Variants in KCNIP3 observed in about 807,000 individuals in gnomAD.
KCNIP3 encodes the protein potassium voltage-gated channel interacting protein 3.
Under a neutral mutation model 35.0 loss-of-function variants are expected in KCNIP3, and 28 were observed. The ratio of observed to expected loss-of-function variants is 0.80; its 90% confidence interval spans 0.59 to 1.10. The LOEUF (loss-of-function observed/expected upper bound fraction) is 1.10. Ranked by LOEUF, KCNIP3 falls within the 50% of genes least tolerant of loss-of-function variation. The probability of loss-of-function intolerance (pLI) is 0.00; values close to 1 mark genes in which losing one functional copy is unlikely to be tolerated. For synonymous variants in KCNIP3, 134 were observed against 133.8 expected (o/e 1.00, Z -0.01); for missense variants, 295 against 338.4 (o/e 0.87, Z 1.01).
At chr2:95,307,862 G>A (rs569530630) in intron 1 of KCNIP3, among the ~76,000 whole-genome samples, 1 of 152,212 alleles carries the variant, frequency 6.6e-6, no homozygotes, top group African/African-American at 2.4e-5. Flanking sequence ...CTGCAGCAAA[G>A]AATTTGTGAT....
Position 95,382,318 on chromosome 2 carries a change from T to A in KCNIP3, c.556-59T>A, listed in dbSNP as rs867651406. On this transcript the variant is annotated intron_variant, in intron 6 of 8. Coordinates refer to ENST00000295225, the MANE Select transcript of KCNIP3 (RefSeq NM_013434.5). The surrounding 1 kb of genome is among the most constrained non-coding windows in gnomAD (Gnocchi z 4.5). ...GCACCCTTGGATGCCGCCCGCTCCCTTTGGGCCCTCACAGCCACCCCGGCC... is the reference window on the plus strand; with the variant it reads ...GCACCCTTGGATGCCGCCCGCTCCCATTGGGCCCTCACAGCCACCCCGGCC... The A allele has an allele frequency of 8.3e-7, 1 of 1,208,972 alleles. No homozygotes were observed. 74.9% of individuals were successfully genotyped at this position (1,208,972 alleles called of 1,614,324 possible).
At chr2:95,300,327 T>C (rs1339309057) in intron 1 of KCNIP3, among the ~76,000 whole-genome samples, 1 of 152,226 alleles carries the variant, frequency 6.6e-6, no homozygotes, top group Admixed American at 6.5e-5. Context: ...AAATTCAGGC[T>C]GCCTTGTCTT....
intron 2 of KCNIP3, among the ~76,000 whole-genome samples, chr2:95,320,719 C>T (rs2104225625): frequency 6.6e-6 from 1 of 152,270 alleles, no homozygotes; most frequent in East Asian, 1.9e-4. Context: ...GTACGTCAGA[C>T]CCAACTGGCC....
At chr2:95,356,336 G>C (rs1358370830) in intron 2 of KCNIP3, among the ~76,000 whole-genome samples, 1 of 152,168 alleles carries the variant, frequency 6.6e-6, no homozygotes. Flanking sequence ...TTGTCGTGCA[G>C]AAGCTCTTTA....
intron 2 of KCNIP3, among the ~76,000 whole-genome samples, chr2:95,346,488 G>T (rs1044337833): frequency 3.3e-5 from 5 of 149,632 alleles, no homozygotes; most frequent in African/African-American, 4.9e-5. Flanking sequence ...GGGCAGGCGC[G>T]GGGGGGCCGC....
chr2:95,302,703 G>A (rs1678068544), intron 1 of KCNIP3, among the ~76,000 whole-genome samples: 1 of 152,178 alleles, frequency 6.6e-6, no homozygotes, highest in African/African-American at 2.4e-5. Context: ...TTCTCTGTCA[G>A]GGTCACCGAG....
chr2:95,310,745 C>A, intron 2 of KCNIP3: 1 of 568,518 alleles, frequency 1.8e-6, no homozygotes. Context: ...AGCATGGGTA[C>A]AGAGAGCTGG....
chr2:95,332,558 G>T (rs1222491754), intron 2 of KCNIP3, among the ~76,000 whole-genome samples: 1 of 152,234 alleles, frequency 6.6e-6, no homozygotes, highest in Non-Finnish European at 1.5e-5. Context: ...GAGAGGAGGA[G>T]GTGTTCCTTA....
intron 2 of KCNIP3, among the ~76,000 whole-genome samples, chr2:95,354,496 T>C (rs1293176775): frequency 1.3e-5 from 2 of 152,092 alleles, no homozygotes; most frequent in African/African-American, 4.8e-5. Flanking sequence ...GACTGGGTTG[T>C]GGGTCTGGGG....
At chr2:95,373,414 GTTTTTTTTTTTTTTTTT>G in intron 2 of KCNIP3, among the ~76,000 whole-genome samples, 1 of 60,024 alleles carries the variant, frequency 1.7e-5, no homozygotes. Context: ...CAAGTTTGTG[GTTTTTTTTTTTTTTTTT>G]TTTTTTTTTG....
Position 95,377,841 on chromosome 2 carries a change from C to CT in KCNIP3, c.447+2634dup, listed in dbSNP as rs1330804787. Among the ~76,000 whole-genome samples the CT allele has an allele frequency of 6.6e-6, 1 of 152,244 alleles. No individual in the cohort carries two copies. Among genetic ancestry groups the CT allele is most frequent in the Non-Finnish European group, 1.5e-5 (1 of 68,044 alleles). ...ACTGCATAGGGACATTCCTCAGCTG[C>CT]TAGCAGCAGGCTCTGTGGCTGAACA... On this transcript the variant is annotated intron_variant, in intron 5 of 8. Transcript: ENST00000295225. The surrounding 1 kb of genome is among the most constrained non-coding windows in gnomAD (Gnocchi z 4.7).
intron 2 of KCNIP3, among the ~76,000 whole-genome samples, chr2:95,348,447 C>T (rs1287292285): frequency 1.3e-5 from 2 of 152,148 alleles, no homozygotes; most frequent in Non-Finnish European, 2.9e-5. Flanking sequence ...CATCTGGAGC[C>T]TGGGGTGGGC....
intron 2 of KCNIP3, chr2:95,312,878 T>C (rs955060828): frequency 1.3e-5 from 2 of 152,216 alleles, no homozygotes; most frequent in African/African-American, 2.4e-5. Flanking sequence ...CCCTTGGCCA[T>C]AGCTCCCGGG....
rs375300770 is a variant in KCNIP3, at chr2:95,326,012, CAT to C, written c.181+15494_181+15495del. ...ACACTCACACACACTCAGACACACA[CAT>C]ACACATTCACTCATACACACATACA... On this transcript the variant is annotated intron_variant, in intron 2 of 8. Coordinates refer to ENST00000295225, the MANE Select transcript of KCNIP3 (RefSeq NM_013434.5). Among the ~76,000 whole-genome samples, 5 of 151,658 alleles carry C rather than the reference CAT, an allele frequency of 3.3e-5. No individual in the cohort carries two copies. In the South Asian group the frequency reaches 8.3e-4, roughly 25 times the overall value.
At chr2:95,327,406 C>T (rs1178228783) in intron 2 of KCNIP3, among the ~76,000 whole-genome samples, 1 of 152,164 alleles carries the variant, frequency 6.6e-6, no homozygotes, top group Non-Finnish European at 1.5e-5. Context: ...CACACTCTCA[C>T]ATACGCTTAC....
chr2:95,300,577 CGGGG>C, intron 1 of KCNIP3, among the ~76,000 whole-genome samples: 1 of 152,082 alleles, frequency 6.6e-6, no homozygotes, highest in East Asian at 1.9e-4. Context: ...GCCTGAGAGT[CGGGG>C]GAGGGCACAG....
chr2:95,353,442 C>T (rs1679577098), intron 2 of KCNIP3, among the ~76,000 whole-genome samples: 1 of 152,212 alleles, frequency 6.6e-6, no homozygotes, highest in African/African-American at 2.4e-5. Context: ...CATCCTGACC[C>T]GCAGGCCCTG....
Position 95,375,091 on chromosome 2 carries a change from C to T in KCNIP3, c.377-47C>T, listed in dbSNP as rs374271682. 31 of 1,592,322 alleles carry T rather than the reference C, an allele frequency of 1.9e-5. No homozygotes were observed. The African/African-American group carries it at 3.0e-4, about 15-fold the overall frequency. On this transcript the variant is annotated intron_variant, in intron 4 of 8. Coordinates refer to ENST00000295225, the MANE Select transcript of KCNIP3 (RefSeq NM_013434.5). ...GGGTTGCCTGGGGTGGGAGATGAGC[C>T]GCCAGGCAGCCCCGACACACCCCAG...
intron 2 of KCNIP3, among the ~76,000 whole-genome samples, chr2:95,369,222 T>G (rs1372003220): frequency 2.6e-5 from 4 of 152,256 alleles, no homozygotes; most frequent in African/African-American, 9.6e-5. Context: ...TATGATTATG[T>G]GCTTTTTTCT....
Sources: allele counts gnomAD v4.1 joint callset (sites outside exome capture counted in the v4.1 genomes callset), GRCh38; gene constraint gnomAD v4.1.1; non-coding constraint Gnocchi (gnomAD v3.1); transcripts MANE v1.5; gene names NCBI Gene and HGNC (gene_info 2026-07-23, HGNC 2026-07-21).